The following MASTL variants were observed in gnomAD, a reference collection of about 807,000 sequenced individuals.
MASTL encodes microtubule associated serine/threonine kinase like.
MASTL carries 54 observed loss-of-function variants against 82.5 expected under a neutral mutation model. That is an observed-to-expected ratio of 0.65 (90% CI 0.53 to 0.82). The LOEUF (loss-of-function observed/expected upper bound fraction) is 0.82, where lower values mean the gene tolerates loss of function less well. Among genes scored for constraint, MASTL ranks in the 40% least tolerant of loss-of-function variants. The probability of loss-of-function intolerance (pLI) is 0.00; values close to 1 mark genes in which losing one functional copy is unlikely to be tolerated. For missense variants in MASTL, 950 were observed against 1,047.8 expected, an observed-to-expected ratio of 0.91 and a Z score of 1.29; for synonymous variants, 323 against 368.9, an observed-to-expected ratio of 0.88 and a Z score of 1.43.
intron 9 of MASTL, among the ~76,000 whole-genome samples, chr10:27,177,459 A>G (rs1427522812): frequency 6.6e-6 from 1 of 152,190 alleles, no homozygotes; most frequent in East Asian, 1.9e-4. Flanking sequence ...TGAGACATCT[A>G]GCTCCCTCAG....
intron 8 of MASTL, 41 bp downstream of exon 8, chr10:27,171,124 A>G: frequency 6.5e-7 from 1 of 1,536,800 alleles, no homozygotes; most frequent in Non-Finnish European, 9.0e-7. Context: ...TGGATTTTAG[A>G]AAAACTATGA....
chr10:27,185,965 T>G (rs1247375976), intron 11 of MASTL, among the ~76,000 whole-genome samples: 1 of 151,988 alleles, frequency 6.6e-6, no homozygotes, highest in Non-Finnish European at 1.5e-5. Flanking sequence ...GGCACACACC[T>G]GTAATCCCAG....
At chr10:27,164,926 C>T (rs750445319) in intron 4 of MASTL, 138 bp from the exon 5 acceptor site, 104 of 647,908 alleles carry the variant, frequency 1.6e-4, no homozygotes, top group Admixed American at 4.1e-4. Context: ...GTGTGAGCCA[C>T]CGTGCCCAGC....
intron 9 of MASTL, among the ~76,000 whole-genome samples, chr10:27,178,373 G>C (rs1176404426): frequency 1.5e-5 from 2 of 137,000 alleles, no homozygotes; most frequent in South Asian, 4.5e-4. Flanking sequence ...TCCAGCCTGG[G>C]TGACAGAGCG....
intron 9 of MASTL, among the ~76,000 whole-genome samples, chr10:27,174,152 C>T (rs1261815824): frequency 6.6e-6 from 1 of 151,636 alleles, no homozygotes; most frequent in African/African-American, 2.4e-5. Flanking sequence ...GCCAGGAGTT[C>T]GAGACCAAGC....
At chr10:27,173,037 T>G in intron 8 of MASTL, 81 bp from the exon 9 acceptor site, 1 of 1,542,052 alleles carries the variant, frequency 6.5e-7, no homozygotes. Flanking sequence ...GCTAGTTATT[T>G]GGCTTGTGTG....
intron 8 of MASTL, among the ~76,000 whole-genome samples, chr10:27,172,801 G>A (rs2057991668): frequency 6.6e-6 from 1 of 152,066 alleles, no homozygotes; most frequent in African/African-American, 2.4e-5. Flanking sequence ...TCTTAAGCTT[G>A]TATTAGTCCA....
chr10:27,170,028 A>C lies in MASTL; in HGVS notation c.1069A>C (p.Thr357Pro). The stretch of plus-strand genomic sequence containing the variant: ...CGCAAAATCTGCAAATGCCATTGAG[A>C]CGAAAGGTTTCAATAAAAAGGATCT... ...LCAKSANAIE[T>P]KGFNKKDLEL... Residue 357 changes from threonine (T) to proline (P), a missense_variant, in exon 8 of 12, where the codon ACG becomes CCG. Physicochemically the swap from Thr to Pro is conservative, Grantham distance 38 (BLOSUM62 -1). Transcript: ENST00000375940. 1 of 1,614,182 alleles carries C rather than the reference A, an allele frequency of 6.2e-7. No individual in the cohort carries two copies. The highest frequency in any genetic ancestry group is 8.5e-7 in the Non-Finnish European group (1 of 1,180,020).
intron 11 of MASTL, among the ~76,000 whole-genome samples, chr10:27,183,273 T>C (rs1275740140): frequency 4.5e-5 from 1 of 22,392 alleles, no homozygotes; most frequent in African/African-American, 5.8e-5. Flanking sequence ...AATTCTTTTG[T>C]TGTTGTTGTT....
Position 27,165,118 on chromosome 10 carries a change from A to T in MASTL, c.608A>T (p.Asp203Val), listed in dbSNP as rs1403701762. ...CCATCAATGGCAAAACCTAGACAAGATTATTCAAGAACCCCAGGACAAGTG... is the reference window on the plus strand; with the variant it reads ...CCATCAATGGCAAAACCTAGACAAGTTTATTCAAGAACCCCAGGACAAGTG... ...TTPSMAKPRQ[D>V]YSRTPGQVLS... The change falls in exon 5 of 12, where the codon GAT becomes GTT. Residue 203 changes from aspartate to valine, a missense_variant. Transcript: ENST00000375940. 2 of 1,613,724 alleles carry T rather than the reference A, an allele frequency of 1.2e-6. No individual in the cohort carries two copies. Among genetic ancestry groups the T allele is most frequent in the Admixed American group, 1.7e-5 (1 of 60,028 alleles).
At chr10:27,183,046 T>TA (rs1242414745) in intron 11 of MASTL, among the ~76,000 whole-genome samples, 1 of 152,174 alleles carries the variant, frequency 6.6e-6, no homozygotes, top group East Asian at 1.9e-4. Context: ...CTGTCATTTT[T>TA]AAAAACAAAT....
intron 6 of MASTL, among the ~76,000 whole-genome samples, chr10:27,166,626 T>A (rs898056552): frequency 1.3e-5 from 2 of 152,026 alleles, no homozygotes; most frequent in African/African-American, 4.8e-5. Flanking sequence ...ATTAAAAGCA[T>A]TAGCCAGATT....
At chr10:27,182,240 C>T (rs1373367958) in intron 11 of MASTL, among the ~76,000 whole-genome samples, 1 of 110,140 alleles carries the variant, frequency 9.1e-6, no homozygotes, top group East Asian at 2.4e-4. Context: ...GACAGAGACT[C>T]TGTCTCAAAA....
In MASTL at chr10:27,170,503, A is replaced by T; in HGVS notation, c.1544A>T (p.Asp515Val). 6.2e-7 allele frequency: 1 copy of T among 1,614,062 alleles called. No individual in the cohort carries two copies. Among genetic ancestry groups the T allele is most frequent in the South Asian group, 1.1e-5 (1 of 91,080 alleles). Residue 515 changes from aspartate (D) to valine (V), a missense_variant, in exon 8 of 12, where the codon GAT becomes GTT. Physicochemically the swap from Asp to Val is radical, Grantham distance 152 (BLOSUM62 -3). Coordinates refer to ENST00000375940, the MANE Select transcript of MASTL (RefSeq NM_001172303.3). ...GAGAACATTGTCAATTCTTTTACTG[A>T]TAAACAACAAACACCAGAAAAATTA... is the stretch of plus-strand genomic sequence containing the variant. ...NKENIVNSFTDKQQTPEKLPI... is the reference protein window; with the variant it reads ...NKENIVNSFTVKQQTPEKLPI...
At chr10:27,175,034 C>T (rs959983157) in intron 9 of MASTL, among the ~76,000 whole-genome samples, 1 of 151,848 alleles carries the variant, frequency 6.6e-6, no homozygotes, top group East Asian at 1.9e-4. Context: ...TATTTCCTTG[C>T]CGGCTTTTAT....
intron 9 of MASTL, among the ~76,000 whole-genome samples, chr10:27,178,056 C>T (rs935301802): frequency 2.0e-5 from 3 of 152,026 alleles, no homozygotes; most frequent in African/African-American, 7.2e-5. Context: ...AGAGTGAAGA[C>T]GCAGTCTTTT....
chr10:27,156,610 C>T (rs532770601), intron 1 of MASTL, among the ~76,000 whole-genome samples: 3 of 152,228 alleles, frequency 2.0e-5, no homozygotes, highest in South Asian at 2.1e-4. Flanking sequence ...AGCGATTCTC[C>T]TGTCTCAGCC....
chr10:27,156,091 G>A (rs2057361697), intron 1 of MASTL, among the ~76,000 whole-genome samples: 1 of 151,978 alleles, frequency 6.6e-6, no homozygotes, highest in African/African-American at 2.4e-5. Context: ...TGCAAGCTCC[G>A]CCCCCCGGGT....
intron 9 of MASTL, among the ~76,000 whole-genome samples, chr10:27,176,849 CTTTTTTTTT>C (rs11334357): frequency 1.6e-5 from 2 of 124,830 alleles, no homozygotes; most frequent in African/African-American, 6.2e-5. Context: ...TTTCTTTTTT[CTTTTTTTTT>C]TTTTTTTGAG....
Sources: allele counts gnomAD v4.1 joint callset (sites outside exome capture counted in the v4.1 genomes callset), GRCh38; gene constraint gnomAD v4.1.1; transcripts MANE v1.5; gene names NCBI Gene and HGNC (gene_info 2026-07-23, HGNC 2026-07-21).